Variants in COL23A1 observed in about 807,000 individuals in gnomAD.
The protein encoded by COL23A1 is collagen alpha-1(XXIII) chain.
A neutral mutation model predicts 99.3 loss-of-function variants in COL23A1; 97 were observed. That is an observed-to-expected ratio of 0.98 (90% CI 0.83 to 1.16). The LOEUF (loss-of-function observed/expected upper bound fraction) is 1.16. Among genes scored for constraint, COL23A1 ranks in the 50% most tolerant of loss-of-function variants. The probability of loss-of-function intolerance (pLI) is 0.00; values close to 1 mark genes in which losing one functional copy is unlikely to be tolerated. For synonymous variants in COL23A1, 320 were observed against 308.2 expected, an observed-to-expected ratio of 1.04 and a Z score of -0.40; for missense variants, 762 against 757.4, an observed-to-expected ratio of 1.01 and a Z score of -0.07.
chr5:178,556,184 A>T (rs1473309120), intron 2 of COL23A1, among the ~76,000 whole-genome samples: 1 of 152,222 alleles, frequency 6.6e-6, no homozygotes, highest in Non-Finnish European at 1.5e-5. Context: ...ACAAGGCAGC[A>T]GCTATCTCGG....
At chr5:178,565,095 T>C (rs1465766344) in intron 1 of COL23A1, among the ~76,000 whole-genome samples, 1 of 152,206 alleles carries the variant, frequency 6.6e-6, no homozygotes, top group African/African-American at 2.4e-5. Context: ...GGAAAAATGC[T>C]TATGCTACAA....
At chr5:178,271,997 AG>A (rs1356746579) in intron 5 of COL23A1, among the ~76,000 whole-genome samples, 4 of 152,200 alleles carry the variant, frequency 2.6e-5, no homozygotes, top group Non-Finnish European at 2.9e-5. Context: ...CCGCTGGCTG[AG>A]GACGGACTCC....
intron 2 of COL23A1, among the ~76,000 whole-genome samples, chr5:178,358,513 ATG>A (rs1037707291): frequency 1.8e-4 from 23 of 128,848 alleles, no homozygotes; most frequent in African/African-American, 5.3e-4. Flanking sequence ...ATATGTGTGT[ATG>A]TGTGTATGTA....
At chr5:178,358,504 T>C (rs1484289294) in intron 2 of COL23A1, among the ~76,000 whole-genome samples, 2 of 104,172 alleles carry the variant, frequency 1.9e-5, no homozygotes, top group Admixed American at 9.6e-5. Context: ...TATGCGTGTA[T>C]ATGTGTGTAT....
At chr5:178,385,943 A>G (rs1763646506) in intron 2 of COL23A1, among the ~76,000 whole-genome samples, 1 of 152,130 alleles carries the variant, frequency 6.6e-6, no homozygotes, top group Non-Finnish European at 1.5e-5. Flanking sequence ...TACAGCTGAC[A>G]TTTCTCGGGA....
chr5:178,469,547 G>A (rs982454562), intron 2 of COL23A1, among the ~76,000 whole-genome samples: 6 of 152,086 alleles, frequency 3.9e-5, no homozygotes, highest in African/African-American at 1.2e-4. Context: ...TGGGCAGTCT[G>A]TAGCTGGGGC....
At chr5:178,514,740 T>C (rs1759411338) in intron 2 of COL23A1, among the ~76,000 whole-genome samples, 1 of 152,198 alleles carries the variant, frequency 6.6e-6, no homozygotes. Flanking sequence ...AATTTGTAAC[T>C]GACATGTATG....
intron 16 of COL23A1, among the ~76,000 whole-genome samples, chr5:178,253,776 C>T (rs1029838849): frequency 1.2e-4 from 19 of 152,204 alleles, no homozygotes; most frequent in East Asian, 5.9e-4. Context: ...CCGCCGCGCC[C>T]GGCCGTGTTT....
chr5:178,515,925 C>T (rs979031342), intron 2 of COL23A1, among the ~76,000 whole-genome samples: 13 of 152,136 alleles, frequency 8.5e-5, no homozygotes, highest in Non-Finnish European at 1.5e-4. Flanking sequence ...CGGGGTCACC[C>T]GGGCCTTCGC....
At chr5:178,543,779 C>G (rs536800323) in intron 2 of COL23A1, among the ~76,000 whole-genome samples, 47 of 152,276 alleles carry the variant, frequency 3.1e-4, no homozygotes, top group Non-Finnish European at 5.9e-4. Flanking sequence ...CAGATTTAGT[C>G]TGTGGGGGCT....
chr5:178,333,005 T>C (rs1403193552), intron 2 of COL23A1, among the ~76,000 whole-genome samples: 1 of 152,208 alleles, frequency 6.6e-6, no homozygotes, highest in Non-Finnish European at 1.5e-5. Flanking sequence ...TTGCCCAGGC[T>C]GGAGTGCAGT....
At chr5:178,344,649 A>C (rs76430661) in intron 2 of COL23A1, among the ~76,000 whole-genome samples, 15,909 of 152,190 alleles carry the variant, frequency 0.1, 1,036 homozygotes, top group East Asian at 0.23. Flanking sequence ...TCTCAAAAAA[A>C]AAAGAAAGGT....
intron 3 of COL23A1, among the ~76,000 whole-genome samples, chr5:178,299,466 T>C (rs1444504800): frequency 6.6e-6 from 1 of 152,176 alleles, no homozygotes; most frequent in Non-Finnish European, 1.5e-5. Context: ...TTTAATCCTT[T>C]TCATTTTTTT....
At position 178,237,931 on chromosome 5, in the gene COL23A1, C is replaced by T. The variant is rs919451036; in HGVS notation, c.*767G>A. 1 of 152,614 alleles carries T rather than the reference C, an allele frequency of 6.6e-6. No individual in the cohort carries two copies. Among genetic ancestry groups the T allele is most frequent in the Non-Finnish European group, 1.5e-5 (1 of 68,168 alleles). The allele number at this position is 152,614 out of a possible 1,614,324, so 9.5% of individuals were successfully genotyped here. The stretch of plus-strand genomic sequence containing the variant: ...TGGTCCAGGCCATGTCCTATCTTGT[C>T]CCTCTCTGGGTGATAATGGAAACAG... On this transcript the variant is annotated 3_prime_UTR_variant, in exon 29 of 29. Transcript: ENST00000390654.
chr5:178,412,124 T>C (rs888188987), intron 2 of COL23A1, among the ~76,000 whole-genome samples: 2 of 152,168 alleles, frequency 1.3e-5, no homozygotes, highest in East Asian at 1.9e-4. Flanking sequence ...TATCGATCAA[T>C]TGAGGAGTGG....
chr5:178,589,772 C>A lies in COL23A1; in HGVS notation c.294+132G>T, dbSNP rs1764171929. The A allele has an allele frequency of 2.2e-6, 2 of 904,638 alleles. No individual in the cohort carries two copies. The highest frequency in any genetic ancestry group is 2.9e-6 in the Non-Finnish European group (2 of 693,836). 56.0% of individuals were successfully genotyped at this position (904,638 alleles called of 1,614,324 possible). On this transcript the variant is annotated intron_variant, in intron 1 of 28. Transcript: ENST00000390654. The surrounding 1 kb of genome is among the most constrained non-coding windows in gnomAD (Gnocchi z 5.4). ...GGCGCAGACGTGCCCATCTCTGGGACGGCCCCGAGCGCACGCAGCCGGCGG... is the reference window on the plus strand; with the variant it reads ...GGCGCAGACGTGCCCATCTCTGGGAAGGCCCCGAGCGCACGCAGCCGGCGG...
chr5:178,242,467 G>A (rs1405670318), intron 25 of COL23A1, 73 bp from the exon 26 acceptor site: 2 of 1,486,826 alleles, frequency 1.3e-6, no homozygotes, highest in African/African-American at 1.4e-5. Context: ...GCTCATCTCT[G>A]TTCCTCTCCC....
intron 2 of COL23A1, among the ~76,000 whole-genome samples, chr5:178,454,470 G>T (rs1313444883): frequency 6.6e-6 from 1 of 152,182 alleles, no homozygotes; most frequent in East Asian, 1.9e-4. Context: ...CCAGGTGGGT[G>T]GGGGCAGGCC....
chr5:178,500,440 A>AAC (rs1758462935), intron 2 of COL23A1, among the ~76,000 whole-genome samples: 1 of 150,750 alleles, frequency 6.6e-6, no homozygotes, highest in Non-Finnish European at 1.5e-5. Flanking sequence ...AAAAAAAAAA[A>AAC]AAAAAATGGT....
Sources: allele counts gnomAD v4.1 joint callset (sites outside exome capture counted in the v4.1 genomes callset), GRCh38; gene constraint gnomAD v4.1.1; non-coding constraint Gnocchi (gnomAD v3.1); transcripts MANE v1.5; gene names NCBI Gene and HGNC (gene_info 2026-07-23, HGNC 2026-07-21).